The following TAGLN3 variants were observed in gnomAD, a reference collection of about 807,000 sequenced individuals.
TAGLN3 encodes transgelin 3.
In TAGLN3, 12 loss-of-function variants were observed where a neutral mutation model predicts 25.4. The observed-to-expected ratio is 0.47, with a 90% CI of 0.30 to 0.77. The LOEUF (loss-of-function observed/expected upper bound fraction) is 0.77, where lower values mean the gene tolerates loss of function less well. TAGLN3 is among the 30% of genes least tolerant of loss of function. The pLI is 0.06. For synonymous variants in TAGLN3, 96 were observed against 94.8 expected (o/e 1.01, Z -0.08); for missense variants, 218 against 255.8 (o/e 0.85, Z 1.01).
At position 112,010,749 on chromosome 3, in the gene TAGLN3, A is replaced by G. The variant is rs139507799; in HGVS notation, c.356-1014A>G. Among the ~76,000 whole-genome samples the G allele has an allele frequency of 9.6e-3, 1,466 of 152,294 alleles. 30 individuals carry two copies. Among genetic ancestry groups the G allele is most frequent in the African/African-American group, 0.033 (1,356 of 41,544 alleles). ...TGTGGTTAACATGGGAGGTGGGGGT[A>G]GAGGGGAGAGAGGATCAGCTTTCTG... On this transcript the variant is annotated intron_variant, in intron 3 of 4. Transcript: ENST00000478951.
intron 3 of TAGLN3, among the ~76,000 whole-genome samples, chr3:112,001,431 T>A (rs1440053106): frequency 1.3e-5 from 2 of 152,250 alleles, no homozygotes; most frequent in Non-Finnish European, 2.9e-5. Context: ...AGATATGCAT[T>A]CTGCTCAGTG....
chr3:112,009,231 A>C (rs2072949925), intron 3 of TAGLN3, among the ~76,000 whole-genome samples: 1 of 152,186 alleles, frequency 6.6e-6, no homozygotes, highest in Non-Finnish European at 1.5e-5. Flanking sequence ...AAACATCCAA[A>C]TGATATCACT....
intron 3 of TAGLN3, among the ~76,000 whole-genome samples, chr3:112,003,795 G>A (rs902046636): frequency 6.6e-6 from 1 of 152,044 alleles, no homozygotes; most frequent in Non-Finnish European, 1.5e-5. Context: ...CCCCTACTCA[G>A]TGTCTTCTCC....
At chr3:112,012,749 T>C (rs1358257861) in intron 4 of TAGLN3, among the ~76,000 whole-genome samples, 1 of 152,210 alleles carries the variant, frequency 6.6e-6, no homozygotes, top group Non-Finnish European at 1.5e-5. Context: ...CCCATGTGGC[T>C]ACACAACCAC....
At chr3:112,012,953 C>T (rs1042582746) in intron 4 of TAGLN3, among the ~76,000 whole-genome samples, 3 of 152,044 alleles carry the variant, frequency 2.0e-5, no homozygotes, top group African/African-American at 2.4e-5. Flanking sequence ...AAAGGCTTGA[C>T]GTAGCTGTGA....
At chr3:112,005,477 C>T (rs564279515) in intron 3 of TAGLN3, among the ~76,000 whole-genome samples, 2 of 152,260 alleles carry the variant, frequency 1.3e-5, no homozygotes, top group South Asian at 4.2e-4. Flanking sequence ...CCTGTTCCCC[C>T]TTTGATGACT....
chr3:112,011,719 G>A (rs774327473), intron 3 of TAGLN3, 44 bp from the exon 4 acceptor site: 2 of 1,563,962 alleles, frequency 1.3e-6, no homozygotes, highest in Non-Finnish European at 1.7e-6. Context: ...AGCATTCCTT[G>A]GCTCTGACAC....
intron 2 of TAGLN3, 147 bp from the exon 3 acceptor site, chr3:112,000,625 G>T (rs2072845349): frequency 7.5e-6 from 6 of 794,954 alleles, no homozygotes; most frequent in South Asian, 5.2e-5. Context: ...TGGCTACACA[G>T]CCCAGAGCCC....
chr3:112,013,000 G>A (rs1000984070), intron 4 of TAGLN3, among the ~76,000 whole-genome samples: 1 of 152,140 alleles, frequency 6.6e-6, no homozygotes, highest in East Asian at 1.9e-4. Context: ...CTTCTTAGAA[G>A]TCTGAGATGG....
chr3:112,000,578 G>A (rs1356794141), intron 2 of TAGLN3, 194 bp from the exon 3 acceptor site: 3 of 550,642 alleles, frequency 5.4e-6, no homozygotes, highest in African/African-American at 1.8e-5. Context: ...CATTAGGAAT[G>A]GGGTCCTCTG....
chr3:112,005,731 A>C (rs2072910251), intron 3 of TAGLN3, among the ~76,000 whole-genome samples: 2 of 119,194 alleles, frequency 1.7e-5, no homozygotes, highest in African/African-American at 6.5e-5. Context: ...ATGGAGTCTC[A>C]CTCTGTCGCC....
chr3:111,999,211 C>G, intron 1 of TAGLN3, 97 bp downstream of exon 1: 1 of 533,174 alleles, frequency 1.9e-6, no homozygotes, highest in Non-Finnish European at 3.3e-6. Context: ...TCTAGAGTTA[C>G]TGGCGGGTAG....
Position 112,000,754 on chromosome 3 carries a change from T to C in TAGLN3, c.181-18T>C. ...TACAAAGGGAAACATTGATTCTGTC[T>C]CTCCCCTCCCTCTTCAGGTCCTGTG... On this transcript the variant is annotated intron_variant, in intron 2 of 4. Transcript: ENST00000478951. 4 of 1,608,540 alleles carry C rather than the reference T, an allele frequency of 2.5e-6. No homozygotes were observed. Among genetic ancestry groups the C allele is most frequent in the Non-Finnish European group, 3.4e-6 (4 of 1,175,930 alleles).
rs367586456 is a variant in TAGLN3, at chr3:112,008,453, T to A, written c.356-3310T>A. On this transcript the variant is annotated intron_variant, in intron 3 of 4. Coordinates refer to ENST00000478951, the MANE Select transcript of TAGLN3 (RefSeq NM_001008272.2). ...CCTCAGCCTCCCAAAGTGTTGAAAT[T>A]ACCGTTGTGAGCCACTGTGCCCAGC... Among the ~76,000 whole-genome samples the A allele has an allele frequency of 2.4e-4, 36 of 152,262 alleles. No homozygotes were observed. The South Asian group carries it at 5.2e-3, about 22-fold the overall frequency.
In TAGLN3 at chr3:112,013,877, T is replaced by G; in HGVS notation, c.*326T>G. On this transcript the variant is annotated 3_prime_UTR_variant, in exon 5 of 5. Transcript: ENST00000478951. ...AGAATGCACCTAATAAAGTAATTAG[T>G]CTTGTGTCTTACAGTGTAAAGTTCA... is the stretch of plus-strand genomic sequence containing the variant. 1 of 364,910 alleles carries G rather than the reference T, an allele frequency of 2.7e-6. No individual in the cohort carries two copies. The highest frequency in any genetic ancestry group is 2.4e-5 in the South Asian group (1 of 42,326). 22.6% of individuals were successfully genotyped at this position (364,910 alleles called of 1,614,324 possible). A position where few individuals can be genotyped will look rare whatever the true frequency, so the allele number is the denominator to read the frequency against.
chr3:112,004,537 C>T (rs1450657123), intron 3 of TAGLN3, among the ~76,000 whole-genome samples: 1 of 152,134 alleles, frequency 6.6e-6, no homozygotes, highest in East Asian at 1.9e-4. Context: ...ATTAGACTGC[C>T]TGGCCAAACC....
chr3:112,009,566 A>T (rs2072953429), intron 3 of TAGLN3, among the ~76,000 whole-genome samples: 1 of 152,210 alleles, frequency 6.6e-6, no homozygotes, highest in Non-Finnish European at 1.5e-5. Flanking sequence ...AGGGCTTTAC[A>T]TTCAGACAGG....
At chr3:112,011,433 G>A (rs544052132) in intron 3 of TAGLN3, among the ~76,000 whole-genome samples, 1 of 152,330 alleles carries the variant, frequency 6.6e-6, no homozygotes, top group South Asian at 2.1e-4. Context: ...TCATTTGCCA[G>A]GCCTCTGGCC....
chr3:112,013,608 G>A lies in TAGLN3; in HGVS notation c.*57G>A, dbSNP rs1375249117. The A allele has an allele frequency of 3.7e-6, 6 of 1,611,438 alleles. No homozygotes were observed. The highest frequency in any genetic ancestry group is 3.3e-5 in the Admixed American group (2 of 59,826). ...GAATGTTCCACACCATGGTCTCTACGAAAAAGAAATAGTTAGTCACCTTCT... is the reference window on the plus strand; with the variant it reads ...GAATGTTCCACACCATGGTCTCTACAAAAAAGAAATAGTTAGTCACCTTCT... On this transcript the variant is annotated 3_prime_UTR_variant, in exon 5 of 5. Transcript: ENST00000478951.
Sources: gnomAD v4.1 joint callset for allele counts (sites outside exome capture counted in the v4.1 genomes callset) on GRCh38, gnomAD v4.1.1 for gene constraint, MANE v1.5 for transcripts, NCBI Gene and HGNC (gene_info 2026-07-23, HGNC 2026-07-21) for gene names.